The following NRDC variants were observed in gnomAD, a reference collection of about 807,000 sequenced individuals.
The protein encoded by NRDC is nardilysin convertase, also known as nardilysin.
Under a neutral mutation model 147.1 loss-of-function variants are expected in NRDC, and 54 were observed. The ratio of observed to expected loss-of-function variants is 0.37; its 90% CI spans 0.29 to 0.46. NRDC has a LOEUF of 0.46. Ranked by LOEUF, NRDC falls within the 20% of genes least tolerant of loss-of-function variation. The probability of loss-of-function intolerance (pLI) is 1.00; values close to 1 mark genes in which losing one functional copy is unlikely to be tolerated. For synonymous variants in NRDC, 440 were observed against 482.1 expected (o/e 0.91, Z 1.14); for missense variants, 1,082 against 1,370.6 (o/e 0.79, Z 3.33).
At chr1:51,833,906 T>A in intron 4 of NRDC, 111 bp downstream of exon 4, 2 of 959,396 alleles carry the variant, frequency 2.1e-6, no homozygotes, top group Non-Finnish European at 3.1e-6. Context: ...TGAGTCACCA[T>A]GACTGGTCCA....
chr1:51,878,715 G>C lies in NRDC; in HGVS notation c.-100C>G, dbSNP rs919233194. 6.0e-5 allele frequency: 65 copies of C among 1,085,100 alleles called. No individual in the cohort carries two copies. The highest frequency in any genetic ancestry group is 8.4e-5 in the Non-Finnish European group (63 of 750,142). The allele number at this position is 1,085,100 out of a possible 1,614,324, so 67.2% of individuals were successfully genotyped here. ...CCGGCCCTGGTGCTGCCGCAGCCGC[G>C]GGGAACAGGCCTGAACCCCTCCCCC... On this transcript the variant is annotated 5_prime_UTR_variant, in exon 1 of 31. Coordinates refer to ENST00000352171, the MANE Select transcript of NRDC (RefSeq NM_001101662.2).
chr1:51,838,966 A>T (rs1394315584), intron 2 of NRDC, among the ~76,000 whole-genome samples: 2 of 152,064 alleles, frequency 1.3e-5, no homozygotes, highest in East Asian at 3.8e-4. Context: ...CAAAAACAGG[A>T]TCACTAATAA....
chr1:51,807,059 C>G (rs992351563), intron 17 of NRDC, 146 bp from the exon 18 acceptor site: 12 of 703,180 alleles, frequency 1.7e-5, no homozygotes, highest in Non-Finnish European at 2.4e-5. Context: ...ATTAGTAGAC[C>G]AATACCAAAG....
chr1:51,798,777 C>A, intron 21 of NRDC: 1 of 169,820 alleles, frequency 5.9e-6, no homozygotes, highest in Non-Finnish European at 1.3e-5. Context: ...TACTAGAAGC[C>A]ATCATTTGGG....
Position 51,823,796 on chromosome 1 carries a change from A to T in NRDC, c.1037-10T>A. 6.4e-7 allele frequency: 1 copy of T among 1,572,584 alleles called. No homozygotes were observed. The highest frequency in any genetic ancestry group is 1.8e-4 in the Middle Eastern group (1 of 5,630). On this transcript the variant is annotated splice_polypyrimidine_tract_variant and intron_variant, in intron 6 of 30. Coordinates refer to ENST00000352171, the MANE Select transcript of NRDC (RefSeq NM_001101662.2). ...AGCGTCTCAGCATTTCCTATAAAAG[A>T]ATGAAAAAAATTATAGATATAACTA...
At chr1:51,799,360 C>T (rs752356086) in intron 21 of NRDC, among the ~76,000 whole-genome samples, 14 of 152,114 alleles carry the variant, frequency 9.2e-5, no homozygotes, top group Admixed American at 1.3e-4. Context: ...CCCCCACCCC[C>T]CAACAGGCCC....
chr1:51,868,686 G>A (rs139309998), intron 1 of NRDC, among the ~76,000 whole-genome samples: 6 of 152,148 alleles, frequency 3.9e-5, no homozygotes, highest in Admixed American at 3.9e-4. Context: ...TTCGAGACCA[G>A]GCTGGGTAGC....
intron 1 of NRDC, chr1:51,877,940 T>A (rs1055779326): frequency 1.0e-5 from 10 of 974,168 alleles, no homozygotes; most frequent in Non-Finnish European, 1.3e-5. Context: ...AGTATCCAAC[T>A]CCGTCAACCT....
chr1:51,806,818 C>T lies in NRDC; in HGVS notation c.2086G>A (p.Asp696Asn). ...CCTTTGGGGATTTTGAATTTGTTGTCTTTCTTATACCACAGGCAACCTTGT... is the reference window on the plus strand; with the variant it reads ...CCTTTGGGGATTTTGAATTTGTTGTTTTTCTTATACCACAGGCAACCTTGT... Reference protein sequence around the residue: ...TPQGCLWYKKDNKFKIPKAYI... With the variant: ...TPQGCLWYKKNNKFKIPKAYI... Residue 696 changes from aspartate (D) to asparagine (N), a missense_variant, in exon 18 of 31, where the codon GAC (aspartate) becomes AAC (asparagine). By Grantham distance (23) the Asp-to-Asn change is conservative. Transcript: ENST00000352171. 1.9e-6 allele frequency: 3 copies of T among 1,613,610 alleles called. No individual in the cohort carries two copies. The highest frequency in any genetic ancestry group is 2.5e-6 in the Non-Finnish European group (3 of 1,179,830).
At chr1:51,836,576 G>A (rs1373336829) in intron 2 of NRDC, 19 of 685,950 alleles carry the variant, frequency 2.8e-5, no homozygotes, top group Non-Finnish European at 4.6e-5. Context: ...GAAATCTGCG[G>A]AAGTAACATA....
intron 9 of NRDC, 50 bp from the exon 10 acceptor site, chr1:51,818,185 CT>C: frequency 8.3e-7 from 1 of 1,198,364 alleles, no homozygotes; most frequent in Non-Finnish European, 1.2e-6. Flanking sequence ...TTCTCTATGA[CT>C]TTTACTACAA....
intron 1 of NRDC, among the ~76,000 whole-genome samples, chr1:51,841,326 G>A (rs895931000): frequency 8.1e-4 from 123 of 150,986 alleles, no homozygotes; most frequent in Non-Finnish European, 2.1e-4. Context: ...CTTTTTCTTT[G>A]AGACAAGGTC....
At chr1:51,791,374 T>C (rs1302683814) in intron 27 of NRDC, among the ~76,000 whole-genome samples, 1 of 152,196 alleles carries the variant, frequency 6.6e-6, no homozygotes, top group Non-Finnish European at 1.5e-5. Flanking sequence ...ACCACAGGAC[T>C]TGAATCAAGT....
intron 21 of NRDC, among the ~76,000 whole-genome samples, chr1:51,800,106 C>T (rs1679123426): frequency 6.6e-6 from 1 of 152,206 alleles, no homozygotes; most frequent in Admixed American, 6.5e-5. Context: ...TGCCAAGTAG[C>T]TGGGACTACA....
At chr1:51,869,814 A>AGTATTTG (rs1349576395) in intron 1 of NRDC, among the ~76,000 whole-genome samples, 11 of 152,360 alleles carry the variant, frequency 7.2e-5, no homozygotes, top group African/African-American at 2.6e-4. Flanking sequence ...CAATATCAGC[A>AGTATTTG]TACGCATTTG....
At chr1:51,839,702 C>T (rs900564146) in intron 2 of NRDC, among the ~76,000 whole-genome samples, 16 of 152,236 alleles carry the variant, frequency 1.1e-4, no homozygotes, top group African/African-American at 3.9e-4. Flanking sequence ...CCTTTGCGTT[C>T]CCATATAAAG....
intron 17 of NRDC, among the ~76,000 whole-genome samples, chr1:51,808,467 C>G (rs1276232092): frequency 6.6e-6 from 1 of 152,206 alleles, no homozygotes; most frequent in Admixed American, 6.5e-5. Flanking sequence ...TGTATCAGTA[C>G]TACACTTTTT....
At chr1:51,826,639 C>T (rs1044286987) in intron 5 of NRDC, among the ~76,000 whole-genome samples, 19 of 152,054 alleles carry the variant, frequency 1.2e-4, no homozygotes, top group Admixed American at 1.3e-4. Context: ...ATCAGCCGGG[C>T]GCAGTGGCTC....
chr1:51,869,209 G>A (rs1682965257), intron 1 of NRDC, among the ~76,000 whole-genome samples: 1 of 152,124 alleles, frequency 6.6e-6, no homozygotes, highest in Non-Finnish European at 1.5e-5. Context: ...CTTGACTTAA[G>A]ATGCTGGGAT....
Sources: gnomAD v4.1 joint callset for allele counts (sites outside exome capture counted in the v4.1 genomes callset) on GRCh38, gnomAD v4.1.1 for gene constraint, MANE v1.5 for transcripts, NCBI Gene and HGNC (gene_info 2026-07-23, HGNC 2026-07-21) for gene names.